The following PRSS23 variants were observed in gnomAD, a reference collection of about 807,000 sequenced individuals.
The protein encoded by PRSS23 is protease, serine 23.
Under a neutral mutation model 34.7 loss-of-function variants are expected in PRSS23, and 25 were observed. The observed-to-expected ratio is 0.72, with a 90% confidence interval of 0.53 to 1.01. The LOEUF (loss-of-function observed/expected upper bound fraction) is 1.01. PRSS23 is among the 50% of genes least tolerant of loss of function. The pLI, the probability that PRSS23 is intolerant of heterozygous loss-of-function variation, is 0.00. For synonymous variants in PRSS23, 176 were observed against 186.6 expected, an observed-to-expected ratio of 0.94 and a Z score of 0.46; for missense variants, 445 against 475.6, an observed-to-expected ratio of 0.94 and a Z score of 0.60.
In PRSS23 at chr11:86,878,736, G is replaced by A. The variant is rs540763400; in HGVS notation, c.206+55143G>A. 8.7e-5 allele frequency among the ~76,000 whole-genome samples: 13 copies of A among 149,426 alleles called. No individual in the cohort carries two copies. In the East Asian group the frequency reaches 2.4e-3, roughly 28 times the overall value. Reference sequence around the variant, plus strand: ...TGCCTGGCCGCCCATCGTCTGGGACGTGAGGAGCCCCACTGCCTGGCTACC... The same window carrying A: ...TGCCTGGCCGCCCATCGTCTGGGACATGAGGAGCCCCACTGCCTGGCTACC... On this transcript the variant is annotated intron_variant, in intron 2 of 2. Transcript: ENST00000533902.
At chr11:86,887,415 A>G (rs1443982995) in intron 2 of PRSS23, among the ~76,000 whole-genome samples, 1 of 35,588 alleles carries the variant, frequency 2.8e-5, no homozygotes, top group Non-Finnish European at 6.9e-5. Flanking sequence ...AAACAAAACA[A>G]AAAAAAAAAA....
chr11:86,922,719 C>T (rs1949054859), intron 2 of PRSS23, among the ~76,000 whole-genome samples: 1 of 152,134 alleles, frequency 6.6e-6, no homozygotes. Context: ...AATAATACAG[C>T]AGCCTAGACA....
At chr11:86,951,107 C>T in intron 2 of PRSS23, 2 of 1,609,802 alleles carry the variant, frequency 1.2e-6, no homozygotes, top group East Asian at 2.2e-5. Flanking sequence ...GCATTCCCCC[C>T]TTCAAAATGA....
At chr11:86,873,970 T>C (rs545133303) in intron 2 of PRSS23, among the ~76,000 whole-genome samples, 1 of 152,104 alleles carries the variant, frequency 6.6e-6, no homozygotes, top group East Asian at 1.9e-4. Context: ...AGTTCTGAGG[T>C]GAGATTAGAA....
At position 86,913,274 on chromosome 11, in the gene PRSS23, CA is replaced by C. The variant is rs201233084; in HGVS notation, c.207-37925del. Among the ~76,000 whole-genome samples the C allele has an allele frequency of 5.1e-3, 314 of 61,126 alleles. 3 individuals are homozygous for C. Among genetic ancestry groups the C allele is most frequent in the East Asian group, 0.015 (25 of 1,648 alleles). The allele number at this position is 61,126 out of a possible 152,430, so 40.1% of individuals were successfully genotyped here. On this transcript the variant is annotated intron_variant, in intron 2 of 2. Transcript: ENST00000533902. ...GTACTCACTGGGGTCTGCCCTCAGG[CA>C]AAAAAAAAAAAAAAAACCTATTAAA...
At chr11:86,863,883 A>C (rs1386457640) in intron 2 of PRSS23, among the ~76,000 whole-genome samples, 1 of 152,232 alleles carries the variant, frequency 6.6e-6, no homozygotes, top group Non-Finnish European at 1.5e-5. Flanking sequence ...CTAATTCTGC[A>C]TTGTGTTGCA....
Position 86,919,241 on chromosome 11 carries a change from T to C in PRSS23, c.207-31975T>C, listed in dbSNP as rs187236714. Among the ~76,000 whole-genome samples, 122 of 152,348 alleles carry C rather than the reference T, an allele frequency of 8.0e-4. 1 individual carries two copies. Among genetic ancestry groups the C allele is most frequent in the Non-Finnish European group, 1.3e-3 (87 of 68,026 alleles). ...TTCAGCCAATTCTTTGCTGAGCAAC[T>C]TGGCTTCCTGTTTTCCTTGGGAACC... On this transcript the variant is annotated intron_variant, in intron 2 of 2. Coordinates refer to the PRSS23 transcript ENST00000533902.
chr11:86,951,247 C>T lies in PRSS23; in HGVS notation c.238C>T (p.Arg80Cys), dbSNP rs775081751. The T allele has an allele frequency of 1.2e-5, 19 of 1,613,996 alleles. No homozygotes were observed. Among genetic ancestry groups the T allele is most frequent in the South Asian group, 1.1e-4 (10 of 91,088 alleles). ...CCAATCTGTTGGAACACTTCTGCCA[C>T]GTGTGAAGAGTTTTGGCAGACCAAA... Residue 80 changes from arginine (R) to cysteine (C), a missense_variant, in exon 3 of 3, where the codon CGT becomes TGT. Arg to Cys is a radical substitution (Grantham distance 180). Transcript: ENST00000533902.
intron 2 of PRSS23, chr11:86,892,498 GA>G (rs1340382799): frequency 2.0e-5 from 3 of 152,186 alleles, no homozygotes; most frequent in Middle Eastern, 3.2e-3. Context: ...AGCCAAGTCA[GA>G]TACACCAGAT....
intron 2 of PRSS23, among the ~76,000 whole-genome samples, chr11:86,867,792 G>A (rs1439739578): frequency 3.3e-5 from 5 of 150,412 alleles, no homozygotes; most frequent in African/African-American, 9.8e-5. Flanking sequence ...AAGGAGGGTC[G>A]CTTGAGCCCA....
intron 2 of PRSS23, among the ~76,000 whole-genome samples, chr11:86,874,226 C>G (rs1450029762): frequency 6.6e-6 from 1 of 152,192 alleles, no homozygotes; most frequent in African/African-American, 2.4e-5. Context: ...CAGAGGAGTC[C>G]TGTGTCTCCC....
chr11:86,825,552 G>T (rs1488970304), intron 2 of PRSS23, among the ~76,000 whole-genome samples: 1 of 151,042 alleles, frequency 6.6e-6, no homozygotes, highest in East Asian at 1.9e-4. Flanking sequence ...TGAAGTCCTT[G>T]CCCATGCCTA....
intron 2 of PRSS23, among the ~76,000 whole-genome samples, chr11:86,890,064 T>G (rs1334119346): frequency 6.6e-6 from 1 of 151,944 alleles, no homozygotes; most frequent in Non-Finnish European, 1.5e-5. Context: ...GGTCAGGAGT[T>G]CGAGACCAGC....
intron 2 of PRSS23, chr11:86,833,351 C>G: frequency 2.2e-6 from 2 of 901,028 alleles, no homozygotes; most frequent in East Asian, 2.7e-5. Flanking sequence ...AGCACCATGA[C>G]TAGGTACATG....
At chr11:86,817,983 G>A (rs560980169) in intron 1 of PRSS23, among the ~76,000 whole-genome samples, 4 of 152,278 alleles carry the variant, frequency 2.6e-5, no homozygotes, top group South Asian at 4.1e-4. Flanking sequence ...TAAGACTACC[G>A]TGAGTGGAGC....
chr11:86,888,680 C>T (rs751071261), intron 2 of PRSS23, among the ~76,000 whole-genome samples: 6 of 152,220 alleles, frequency 3.9e-5, no homozygotes, highest in Non-Finnish European at 8.8e-5. Context: ...TCTCCTAAGA[C>T]TTAAAGGAGA....
intron 2 of PRSS23, among the ~76,000 whole-genome samples, chr11:86,926,082 G>T (rs1179514606): frequency 6.6e-6 from 1 of 152,150 alleles, no homozygotes; most frequent in East Asian, 1.9e-4. Context: ...TTCACCCAAG[G>T]CCGGATGCAG....
chr11:86,908,151 G>T (rs938243782), intron 2 of PRSS23, among the ~76,000 whole-genome samples: 10 of 152,136 alleles, frequency 6.6e-5, no homozygotes, highest in Non-Finnish European at 1.0e-4. Flanking sequence ...CAGCTATTGT[G>T]AATAATGCTG....
intron 2 of PRSS23, chr11:86,948,391 C>G (rs1590941351): frequency 6.6e-6 from 1 of 152,082 alleles, no homozygotes; most frequent in East Asian, 1.9e-4. Flanking sequence ...AATAAAATAA[C>G]TGATTTTTTT....
Sources: allele counts gnomAD v4.1 joint callset (sites outside exome capture counted in the v4.1 genomes callset), GRCh38; gene constraint gnomAD v4.1.1; transcripts MANE v1.5; gene names NCBI Gene and HGNC (gene_info 2026-07-23, HGNC 2026-07-21).